Variants in FAM222B observed in about 807,000 individuals in gnomAD.
The protein encoded by FAM222B is family with sequence similarity 222 member B, also known as protein FAM222B.
FAM222B carries 12 observed loss-of-function variants against 38.0 expected under a neutral mutation model. That is an observed-to-expected ratio of 0.32 (90% CI 0.20 to 0.51). The LOEUF (loss-of-function observed/expected upper bound fraction) is 0.51, where lower values mean the gene tolerates loss of function less well. Ranked by LOEUF, FAM222B falls within the 20% of genes least tolerant of loss-of-function variation. The probability of loss-of-function intolerance (pLI) is 0.97; values close to 1 mark genes in which losing one functional copy is unlikely to be tolerated. For missense variants in FAM222B, 716 were observed against 754.2 expected (o/e 0.95, Z 0.59); for synonymous variants, 329 against 317.2 (o/e 1.04, Z -0.40).
chr17:28,853,536 T>A (rs574910537), intron 1 of FAM222B, among the ~76,000 whole-genome samples: 1 of 152,260 alleles, frequency 6.6e-6, no homozygotes, highest in East Asian at 1.9e-4. Context: ...CATCTTAAAG[T>A]CTCTAGATTA....
intron 1 of FAM222B, among the ~76,000 whole-genome samples, chr17:28,768,694 G>T (rs1406659038): frequency 6.6e-6 from 1 of 151,898 alleles, no homozygotes; most frequent in Non-Finnish European, 1.5e-5. Flanking sequence ...AAATTAGCTG[G>T]GCATGGTGGC....
At chr17:28,775,331 G>A (rs560175390) in intron 1 of FAM222B, among the ~76,000 whole-genome samples, 2 of 151,996 alleles carry the variant, frequency 1.3e-5, no homozygotes, top group South Asian at 2.1e-4. Flanking sequence ...ACTGGCAAAG[G>A]CATTTTTCCG....
At chr17:28,845,302 G>A (rs1242738859), upstream of FAM222B, among the ~76,000 whole-genome samples, 1 of 151,934 alleles carries the variant, frequency 6.6e-6, no homozygotes, top group Non-Finnish European at 1.5e-5. Context: ...TTGGGAGGCT[G>A]AGGCGGGAGA....
rs544156777 is a variant in FAM222B at position 28,759,970 on chromosome 17, T to C, written c.83-94A>G. The C allele has an allele frequency of 4.0e-5, 48 of 1,198,700 alleles. No individual in the cohort carries two copies. The East Asian group carries it at 1.2e-3, about 29-fold the overall frequency. 74.3% of individuals were successfully genotyped at this position (1,198,700 alleles called of 1,614,324 possible). On this transcript the variant is annotated intron_variant, in intron 2 of 2. Transcript: ENST00000581407. The surrounding 1 kb of genome is among the most constrained non-coding windows in gnomAD (Gnocchi z 4.8). ...CTTCCAGATTCCCCTTTTGAGGGCC[T>C]GGGGTGGGGTGGGGAAATGACTAGA...
At position 28,759,267 on chromosome 17, in the gene FAM222B, C is replaced by T. The variant is rs746535025; in HGVS notation, c.692G>A (p.Arg231Gln). ...HPHNPLLHGG[R>Q]KMPDSDAPPN... ...GGGGGCATCTGAGTCTGGCATCTTC[C>T]GGCCTCCATGCAGCAAGGGATTGTG... Residue 231 changes from arginine (R) to glutamine (Q), a missense_variant, in exon 3 of 3, where the codon CGG becomes CAG. Arg to Gln is a conservative substitution (Grantham distance 43). Coordinates refer to ENST00000581407, the MANE Select transcript of FAM222B (RefSeq NM_001077498.3). This position sits in a 1 kb window ranked among gnomAD's most constrained non-coding sequence, Gnocchi z 4.8. The T allele has an allele frequency of 9.9e-6, 16 of 1,613,212 alleles. No individual in the cohort carries two copies. The highest frequency in any genetic ancestry group is 1.6e-4 in the Middle Eastern group (1 of 6,084).
intron 1 of FAM222B, among the ~76,000 whole-genome samples, chr17:28,830,645 T>G (rs1037864789): frequency 2.6e-5 from 4 of 152,072 alleles, no homozygotes; most frequent in African/African-American, 9.7e-5. Flanking sequence ...CTAAGAACTC[T>G]TTGCCTAACT....
chr17:28,771,720 A>ATT (rs2035644074), intron 1 of FAM222B, among the ~76,000 whole-genome samples: 1 of 151,984 alleles, frequency 6.6e-6, no homozygotes, highest in Non-Finnish European at 1.5e-5. Context: ...TCTGAGGGCA[A>ATT]TTTTTTGTCT....
chr17:28,760,759 T>G (rs2035033912), intron 2 of FAM222B, among the ~76,000 whole-genome samples: 2 of 152,132 alleles, frequency 1.3e-5, no homozygotes, highest in African/African-American at 4.8e-5. Context: ...AGCTTTCCCT[T>G]GCATCTTGGC....
rs1456523714 is a variant in FAM222B at position 28,811,135 on chromosome 17, C to G, written c.-41+31547G>C. 2.0e-5 allele frequency among the ~76,000 whole-genome samples: 3 copies of G among 152,132 alleles called. No individual in the cohort carries two copies. In the East Asian group the frequency reaches 5.8e-4, roughly 29 times the overall value. ...CATTAAGATAAACCTGCTCCAAACA[C>G]GTTTCGTTGAAAATGCCCATTTAGG... On this transcript the variant is annotated intron_variant, in intron 1 of 2. Transcript: ENST00000581407.
intron 1 of FAM222B, chr17:28,848,968 G>C (rs533282157): frequency 6.6e-6 from 1 of 151,770 alleles, no homozygotes; most frequent in African/African-American, 2.4e-5. Context: ...CATGTTAAGT[G>C]GGGGATGACC....
chr17:28,785,929 C>T (rs2036392226), intron 1 of FAM222B, among the ~76,000 whole-genome samples: 2 of 152,046 alleles, frequency 1.3e-5, no homozygotes, highest in Admixed American at 6.6e-5. Flanking sequence ...AGGATGGTCT[C>T]GATCTCCTCT....
rs200444762 is a variant in FAM222B, at chr17:28,758,953, C to T, written c.1006G>A (p.Ala336Thr). The change falls in exon 3 of 3, where the codon GCG becomes ACG. Residue 336 changes from alanine to threonine, a missense_variant. Ala to Thr is a moderately conservative substitution (Grantham distance 58). Transcript: ENST00000581407. Reference protein sequence around the residue: ...PMEHTHAATAALPAAGPVNLP... With the variant: ...PMEHTHAATATLPAAGPVNLP... ...TTGACAGGACCTGCAGCAGGCAACG[C>T]GGCGGTGGCCGCGTGGGTGTGCTCC... 3.1e-4 allele frequency: 499 copies of T among 1,610,258 alleles called. 1 individual carries two copies. The highest frequency in any genetic ancestry group is 2.2e-4 in the Non-Finnish European group (258 of 1,178,502).
At chr17:28,816,473 C>T (rs950827597) in intron 1 of FAM222B, among the ~76,000 whole-genome samples, 1 of 151,826 alleles carries the variant, frequency 6.6e-6, no homozygotes, top group Non-Finnish European at 1.5e-5. Context: ...GGTAATATCC[C>T]TCTAGACTGA....
At chr17:28,764,902 CTT>C (rs1285844356) in intron 2 of FAM222B, among the ~76,000 whole-genome samples, 2 of 152,170 alleles carry the variant, frequency 1.3e-5, no homozygotes, top group Non-Finnish European at 2.9e-5. Flanking sequence ...GGAAGCTTCT[CTT>C]TGTCATCTTA....
At chr17:28,812,695 C>T (rs2037842248) in intron 1 of FAM222B, among the ~76,000 whole-genome samples, 1 of 151,988 alleles carries the variant, frequency 6.6e-6, no homozygotes, top group Non-Finnish European at 1.5e-5. Flanking sequence ...AGCCAGGAGC[C>T]AAGCATCCCG....
chr17:28,810,900 T>G (rs1033764580), intron 1 of FAM222B, among the ~76,000 whole-genome samples: 3 of 152,130 alleles, frequency 2.0e-5, no homozygotes, highest in African/African-American at 7.2e-5. Context: ...AATAAATCAA[T>G]GCAAAGAAAA....
intron 1 of FAM222B, among the ~76,000 whole-genome samples, chr17:28,848,508 C>T (rs1357106607): frequency 3.9e-5 from 6 of 152,002 alleles, no homozygotes; most frequent in South Asian, 4.1e-4. Flanking sequence ...CGCCTGTAAT[C>T]GCAGCACTTT....
chr17:28,836,852 AC>A (rs1420780540), intron 1 of FAM222B, among the ~76,000 whole-genome samples: 1 of 151,910 alleles, frequency 6.6e-6, no homozygotes, highest in East Asian at 1.9e-4. Context: ...TGGGCATAAG[AC>A]CCATATTGGG....
chr17:28,773,437 T>G (rs1026622972), intron 1 of FAM222B, among the ~76,000 whole-genome samples: 1 of 125,418 alleles, frequency 8.0e-6, no homozygotes, highest in African/African-American at 3.1e-5. Flanking sequence ...TTAGATCACA[T>G]CATTGCACTC....
Sources: allele counts gnomAD v4.1 joint callset (sites outside exome capture counted in the v4.1 genomes callset), GRCh38; gene constraint gnomAD v4.1.1; non-coding constraint Gnocchi (gnomAD v3.1); transcripts MANE v1.5; gene names NCBI Gene and HGNC (gene_info 2026-07-23, HGNC 2026-07-21).